Variants in ADAMTS12 observed in about 807,000 individuals in gnomAD.
The protein encoded by ADAMTS12 is ADAM metallopeptidase with thrombospondin type 1 motif 12, also known as A disintegrin and metalloproteinase with thrombospondin motifs 12.
Under a neutral mutation model 167.8 loss-of-function variants are expected in ADAMTS12, and 118 were observed. The observed-to-expected ratio is 0.70, with a 90% CI of 0.61 to 0.82. The LOEUF is 0.82. Among genes scored for constraint, ADAMTS12 ranks in the 40% least tolerant of loss-of-function variants. The probability of loss-of-function intolerance (pLI) is 0.00; values close to 1 mark genes in which losing one functional copy is unlikely to be tolerated. For synonymous variants in ADAMTS12, 704 were observed against 716.9 expected (o/e 0.98, Z 0.29); for missense variants, 1,916 against 1,998.8 (o/e 0.96, Z 0.79).
chr5:33,589,226 T>C (rs1298862824), intron 17 of ADAMTS12, among the ~76,000 whole-genome samples: 1 of 152,188 alleles, frequency 6.6e-6, no homozygotes, highest in Non-Finnish European at 1.5e-5. Flanking sequence ...GTAATGTGCA[T>C]AGTACAGAGC....
chr5:33,883,933 T>C (rs1414739407), intron 1 of ADAMTS12, among the ~76,000 whole-genome samples: 1 of 152,170 alleles, frequency 6.6e-6, no homozygotes, highest in Non-Finnish European at 1.5e-5. Context: ...GTGAGGCGGA[T>C]GCAGTCAGCT....
intron 2 of ADAMTS12, among the ~76,000 whole-genome samples, chr5:33,860,860 A>G (rs1177734120): frequency 6.6e-6 from 1 of 152,216 alleles, no homozygotes; most frequent in African/African-American, 2.4e-5. Flanking sequence ...ATAAGCCAGA[A>G]GAGTGGGGGC....
intron 23 of ADAMTS12, among the ~76,000 whole-genome samples, chr5:33,530,453 G>A (rs1274353292): frequency 6.6e-6 from 1 of 152,208 alleles, no homozygotes; most frequent in Non-Finnish European, 1.5e-5. Context: ...TGGCAGGGCA[G>A]TCCAAGCATC....
At chr5:33,633,740 AAT>A (rs1740065735) in intron 12 of ADAMTS12, among the ~76,000 whole-genome samples, 1 of 152,020 alleles carries the variant, frequency 6.6e-6, no homozygotes, top group African/African-American at 2.4e-5. Context: ...GGATGGTCTT[AAT>A]TCTTGGGAGT....
At chr5:33,595,789 G>A (rs916504024) in intron 17 of ADAMTS12, 145 bp downstream of exon 17, 1 of 1,172,060 alleles carries the variant, frequency 8.5e-7, no homozygotes, top group South Asian at 1.6e-5. Context: ...CAACAGCATA[G>A]CCACAGAAAA....
At chr5:33,703,345 A>G (rs1743068635) in intron 3 of ADAMTS12, among the ~76,000 whole-genome samples, 1 of 152,222 alleles carries the variant, frequency 6.6e-6, no homozygotes. Flanking sequence ...CATCATCACT[A>G]TAAATGTCAT....
At chr5:33,708,996 A>C (rs1157788209) in intron 3 of ADAMTS12, among the ~76,000 whole-genome samples, 1 of 152,138 alleles carries the variant, frequency 6.6e-6, no homozygotes, top group African/African-American at 2.4e-5. Context: ...AACAAAAACA[A>C]ACAAAAAAAG....
chr5:33,685,736 C>G (rs1355610551), intron 3 of ADAMTS12, among the ~76,000 whole-genome samples: 1 of 152,098 alleles, frequency 6.6e-6, no homozygotes, highest in East Asian at 1.9e-4. Flanking sequence ...AGATGGTTAA[C>G]CCCTCATTTG....
chr5:33,828,650 T>C (rs2112515012), intron 2 of ADAMTS12, among the ~76,000 whole-genome samples: 1 of 152,300 alleles, frequency 6.6e-6, no homozygotes, highest in South Asian at 2.1e-4. Flanking sequence ...GGGTCCATAT[T>C]TGTATGAGAC....
At chr5:33,821,754 A>G (rs1747878290) in intron 2 of ADAMTS12, among the ~76,000 whole-genome samples, 1 of 152,192 alleles carries the variant, frequency 6.6e-6, no homozygotes, top group South Asian at 2.1e-4. Context: ...CAAATACATG[A>G]AGCTACTTCC....
intron 3 of ADAMTS12, among the ~76,000 whole-genome samples, chr5:33,713,287 C>T (rs919792369): frequency 1.3e-5 from 2 of 152,124 alleles, no homozygotes; most frequent in Non-Finnish European, 2.9e-5. Context: ...AGCAGGAGTG[C>T]TGTTAGCTCA....
At chr5:33,676,521 T>A (rs1180570227) in intron 5 of ADAMTS12, among the ~76,000 whole-genome samples, 1 of 147,828 alleles carries the variant, frequency 6.8e-6, no homozygotes, top group Non-Finnish European at 1.5e-5. Flanking sequence ...TGAGACCCCA[T>A]CTTTAAAAAA....
Position 33,683,940 on chromosome 5 carries a change from T to C in ADAMTS12, c.750A>G (p.Thr250=). The C allele has an allele frequency of 1.9e-6, 3 of 1,611,736 alleles. No homozygotes were observed. Among genetic ancestry groups the C allele is most frequent in the Non-Finnish European group, 2.5e-6 (3 of 1,179,090 alleles). The change falls in exon 4 of 24, where the codon ACA becomes ACG. Residue 250 remains threonine, a synonymous_variant. Transcript: ENST00000504830. ...RSISKERWVE[T]LVVADTKMIE... ...TCATCTTTGTGTCGGCCACCACCAG[T>C]GTCTCCACCCATCTCTCCTTGCTGA...
intron 2 of ADAMTS12, among the ~76,000 whole-genome samples, chr5:33,869,862 C>G (rs142190738): frequency 2.1e-3 from 320 of 152,218 alleles, no homozygotes; most frequent in African/African-American, 7.2e-3. Flanking sequence ...TCCTAATATA[C>G]CTGGGGGCGC....
At chr5:33,668,479 A>G (rs1040236608) in intron 5 of ADAMTS12, among the ~76,000 whole-genome samples, 7 of 152,120 alleles carry the variant, frequency 4.6e-5, no homozygotes, top group Admixed American at 1.3e-4. Context: ...ACTGATTTAC[A>G]TTACAGTTAA....
intron 3 of ADAMTS12, among the ~76,000 whole-genome samples, chr5:33,700,194 T>G (rs1200953304): frequency 1.3e-5 from 2 of 152,238 alleles, no homozygotes; most frequent in African/African-American, 4.8e-5. Flanking sequence ...ATAATTTTAC[T>G]CTTGGGCATT....
intron 2 of ADAMTS12, among the ~76,000 whole-genome samples, chr5:33,764,710 C>T (rs368290478): frequency 7.9e-5 from 12 of 152,188 alleles, no homozygotes; most frequent in Admixed American, 2.6e-4. Context: ...CCATGGTAGA[C>T]GGGGTGGGGT....
intron 2 of ADAMTS12, among the ~76,000 whole-genome samples, chr5:33,811,212 C>T (rs181670629): frequency 1.3e-5 from 2 of 152,308 alleles, no homozygotes; most frequent in African/African-American, 4.8e-5. Context: ...ACTTTGTCAC[C>T]AGGATGATCA....
intron 16 of ADAMTS12, among the ~76,000 whole-genome samples, chr5:33,598,792 G>A (rs546049612): frequency 3.9e-5 from 6 of 152,148 alleles, no homozygotes; most frequent in Non-Finnish European, 8.8e-5. Flanking sequence ...CCCATTCAGC[G>A]TGCTCTTCTA....
Sources: allele counts gnomAD v4.1 joint callset (sites outside exome capture counted in the v4.1 genomes callset), GRCh38; gene constraint gnomAD v4.1.1; transcripts MANE v1.5; gene names NCBI Gene and HGNC (gene_info 2026-07-23, HGNC 2026-07-21).